The following CSMD1 variants were observed in gnomAD, a reference collection of about 807,000 sequenced individuals.
CSMD1 encodes the protein CUB and sushi domain-containing protein 1.
In CSMD1, 213 loss-of-function variants were observed where a neutral mutation model predicts 417.5. The observed-to-expected ratio is 0.51, with a 90% CI of 0.46 to 0.57. The LOEUF (loss-of-function observed/expected upper bound fraction) is 0.57, where lower values mean the gene tolerates loss of function less well. CSMD1 is among the 20% of genes least tolerant of loss of function. The probability of loss-of-function intolerance (pLI) is 0.00; values close to 1 mark genes in which losing one functional copy is unlikely to be tolerated. For missense variants in CSMD1, 6,923 were observed against 4,529.7 expected, an observed-to-expected ratio of 1.53 and a Z score of -15.17; for synonymous variants, 2,862 against 1,736.8, an observed-to-expected ratio of 1.65 and a Z score of -16.11.
chr8:4,641,860 G>C (rs1461141313), intron 1 of CSMD1, among the ~76,000 whole-genome samples: 1 of 152,174 alleles, frequency 6.6e-6, no homozygotes, highest in Non-Finnish European at 1.5e-5. Context: ...GGAAAAAAAA[G>C]TGAAAGTATT....
intron 3 of CSMD1, among the ~76,000 whole-genome samples, chr8:4,149,154 G>T (rs1222426191): frequency 2.6e-5 from 4 of 151,998 alleles, no homozygotes; most frequent in African/African-American, 4.8e-5. Context: ...AGTAGAGACA[G>T]GGTTTTCCCA....
intron 4 of CSMD1, among the ~76,000 whole-genome samples, chr8:4,017,993 T>A (rs906706715): frequency 6.6e-6 from 1 of 152,196 alleles, no homozygotes; most frequent in African/African-American, 2.4e-5. Context: ...TTTTGATTAA[T>A]TGCTTCATGA....
chr8:4,016,164 G>T (rs910199160), intron 4 of CSMD1, among the ~76,000 whole-genome samples: 1 of 152,146 alleles, frequency 6.6e-6, no homozygotes, highest in Non-Finnish European at 1.5e-5. Context: ...TAAAAGCATT[G>T]AACGTTCATA....
intron 6 of CSMD1, among the ~76,000 whole-genome samples, chr8:3,730,157 G>C (rs1585146281): frequency 6.6e-6 from 1 of 151,962 alleles, no homozygotes; most frequent in South Asian, 2.1e-4. Context: ...AAGGCTTCAA[G>C]TCCTTCCATT....
At position 4,945,723 on chromosome 8, in the gene CSMD1, T is replaced by A. The variant is rs560580936; in HGVS notation, c.85+48609A>T. Among the ~76,000 whole-genome samples, 3 of 152,086 alleles carry A rather than the reference T, an allele frequency of 2.0e-5. No homozygotes were observed. The South Asian group carries it at 6.2e-4, about 32-fold the overall frequency. On this transcript the variant is annotated intron_variant, in intron 1 of 69. Transcript: ENST00000635120. ...GACAAAGAGAAAACTAATTACAGCT[T>A]TTGGAGGGTACAAGGAGGAGATGAT...
intron 36 of CSMD1, among the ~76,000 whole-genome samples, chr8:3,181,750 T>C (rs1194956075): frequency 6.6e-6 from 1 of 152,150 alleles, no homozygotes; most frequent in Non-Finnish European, 1.5e-5. Context: ...TGAAAAGGAA[T>C]ATATAGGGCT....
intron 1 of CSMD1, among the ~76,000 whole-genome samples, chr8:4,756,841 G>T (rs1239278628): frequency 6.6e-6 from 1 of 152,164 alleles, no homozygotes; most frequent in African/African-American, 2.4e-5. Flanking sequence ...GTATAACACA[G>T]TGACTGAAAA....
intron 1 of CSMD1, among the ~76,000 whole-genome samples, chr8:4,955,599 G>T (rs73513899): frequency 1.3e-5 from 2 of 152,032 alleles, no homozygotes; most frequent in African/African-American, 2.4e-5. Flanking sequence ...GAGATTACAA[G>T]CATGTACCAC....
At chr8:4,129,120 G>A (rs1585377968) in intron 3 of CSMD1, among the ~76,000 whole-genome samples, 2 of 141,224 alleles carry the variant, frequency 1.4e-5, no homozygotes, top group African/African-American at 2.6e-5. Context: ...AATTTTTATT[G>A]TTGTTGTTGC....
chr8:3,412,305 T>A (rs1233992811), intron 12 of CSMD1, among the ~76,000 whole-genome samples: 2 of 151,964 alleles, frequency 1.3e-5, no homozygotes, highest in Non-Finnish European at 2.9e-5. Flanking sequence ...AATATGTGTG[T>A]GCAAGTATCT....
In CSMD1 at chr8:3,681,960, A is replaced by T. The variant is rs879330750; in HGVS notation, c.1009+26454T>A. ...TGGGGAAAGGATTCCCTATTCAACAAATGGTGCTGGGAAAACTGGCTAGCC... is the reference window on the plus strand; with the variant it reads ...TGGGGAAAGGATTCCCTATTCAACATATGGTGCTGGGAAAACTGGCTAGCC... On this transcript the variant is annotated intron_variant, in intron 7 of 69. Transcript: ENST00000635120. Among the ~76,000 whole-genome samples the T allele has an allele frequency of 1.9e-4, 29 of 152,218 alleles. 1 individual carries two copies. The highest frequency in any genetic ancestry group is 1.8e-3 in the Admixed American group (28 of 15,282).
intron 2 of CSMD1, among the ~76,000 whole-genome samples, chr8:4,544,623 A>G (rs944199997): frequency 5.3e-5 from 8 of 152,202 alleles, no homozygotes; most frequent in South Asian, 2.1e-4. Flanking sequence ...TAAATAAAAT[A>G]ATACAATTTA....
chr8:4,239,753 A>C (rs1434570107), intron 3 of CSMD1, among the ~76,000 whole-genome samples: 2 of 152,202 alleles, frequency 1.3e-5, no homozygotes, highest in Non-Finnish European at 2.9e-5. Context: ...TGGTTTCTTA[A>C]TGATGACAAT....
chr8:4,186,743 T>G (rs992283767), intron 3 of CSMD1, among the ~76,000 whole-genome samples: 3 of 151,740 alleles, frequency 2.0e-5, no homozygotes, highest in Non-Finnish European at 2.9e-5. Flanking sequence ...TCCCAGCAAT[T>G]TGGGAAGCTG....
At chr8:4,299,907 G>T (rs570181929) in intron 3 of CSMD1, among the ~76,000 whole-genome samples, 2 of 152,210 alleles carry the variant, frequency 1.3e-5, no homozygotes, top group South Asian at 4.1e-4. Context: ...AGGATTACAG[G>T]TATAAGCCAC....
chr8:3,739,848 C>A (rs1302842654), intron 6 of CSMD1, among the ~76,000 whole-genome samples: 2 of 152,040 alleles, frequency 1.3e-5, no homozygotes, highest in Admixed American at 6.6e-5. Flanking sequence ...ACATTTGGGA[C>A]AATTAAAAAA....
At chr8:3,574,886 A>G (rs993954910) in intron 10 of CSMD1, 59 bp downstream of exon 10, 8 of 1,557,426 alleles carry the variant, frequency 5.1e-6, no homozygotes, top group Non-Finnish European at 6.1e-6. Context: ...TTGCTTCAAC[A>G]ATAGATCCTA....
chr8:3,247,184 A>G (rs1173908201), intron 26 of CSMD1, among the ~76,000 whole-genome samples: 1 of 152,198 alleles, frequency 6.6e-6, no homozygotes, highest in East Asian at 1.9e-4. Context: ...AGAGGCTCAC[A>G]GACCATGTGA....
intron 2 of CSMD1, among the ~76,000 whole-genome samples, chr8:4,636,514 A>G (rs1008974008): frequency 6.6e-6 from 1 of 152,172 alleles, no homozygotes; most frequent in African/African-American, 2.4e-5. Flanking sequence ...CTCTGACAAC[A>G]TAAGGGTTCA....
Sources: allele counts gnomAD v4.1 joint callset (sites outside exome capture counted in the v4.1 genomes callset), GRCh38; gene constraint gnomAD v4.1.1; transcripts MANE v1.5; gene names NCBI Gene and HGNC (gene_info 2026-07-23, HGNC 2026-07-21).